Variants in DDR2 observed in about 807,000 individuals in gnomAD.
DDR2 encodes discoidin domain-containing receptor 2.
A neutral mutation model predicts 94.9 loss-of-function variants in DDR2; 27 were observed. The ratio of observed to expected loss-of-function variants is 0.28; its 90% CI spans 0.21 to 0.39. DDR2 has a LOEUF of 0.39. Among genes scored for constraint, DDR2 ranks in the 10% least tolerant of loss-of-function variants. The pLI is 1.00. For synonymous variants in DDR2, 382 were observed against 377.2 expected (o/e 1.01, Z -0.15); for missense variants, 783 against 1,076.0 (o/e 0.73, Z 3.81).
intron 3 of DDR2, among the ~76,000 whole-genome samples, chr1:162,747,285 C>T (rs756653758): frequency 6.2e-4 from 94 of 152,208 alleles, no homozygotes; most frequent in Non-Finnish European, 1.0e-3. Flanking sequence ...AAAGATTAGA[C>T]GAATGGCTAA....
At chr1:162,677,368 A>T (rs1659184246) in intron 2 of DDR2, among the ~76,000 whole-genome samples, 1 of 152,194 alleles carries the variant, frequency 6.6e-6, no homozygotes, top group Non-Finnish European at 1.5e-5. Context: ...ATATCTCCAG[A>T]TTGCTTTGCA....
chr1:162,669,033 A>C (rs182324826), intron 2 of DDR2, among the ~76,000 whole-genome samples: 28 of 152,316 alleles, frequency 1.8e-4, no homozygotes, highest in African/African-American at 3.4e-4. Flanking sequence ...TATTTAAGGA[A>C]AAGTACTTTA....
chr1:162,778,760 A>G (rs2102207561), intron 17 of DDR2, 31 bp downstream of exon 17: 1 of 1,613,416 alleles, frequency 6.2e-7, no homozygotes, highest in Non-Finnish European at 8.5e-7. Context: ...ATGGATGTGG[A>G]CCTGTGTACC....
chr1:162,777,691 C>G lies in DDR2; in HGVS notation c.2284-889C>G, dbSNP rs988609523. ...TATTAACCAGAAGAATTTGGGAAACCTCTCCTGTTTCATTTTTCTGATCTA... is the reference window on the plus strand; with the variant it reads ...TATTAACCAGAAGAATTTGGGAAACGTCTCCTGTTTCATTTTTCTGATCTA... On this transcript the variant is annotated intron_variant, in intron 16 of 17. Transcript: ENST00000367921. The G allele has an allele frequency of 3.9e-5, 6 of 152,260 alleles. No individual in the cohort carries two copies. The East Asian group carries it at 7.7e-4, about 20-fold the overall frequency. 9.4% of individuals were successfully genotyped at this position (152,260 alleles called of 1,614,324 possible).
In DDR2 at chr1:162,759,874, G is replaced by A. The variant is rs1261964297; in HGVS notation, c.750G>A (p.Val250=). Reference sequence around the variant, plus strand: ...TCACCCAGACCCATGAATACCACGTGTGGCCCGGCTATGACTATGTGGGCT... The same window carrying A: ...TCACCCAGACCCATGAATACCACGTATGGCCCGGCTATGACTATGTGGGCT... ...DDFTQTHEYH[V]WPGYDYVGWR... The change falls in exon 8 of 18, where the codon GTG becomes GTA. Residue 250 remains valine, a synonymous_variant. Coordinates refer to ENST00000367921, the MANE Select transcript of DDR2 (RefSeq NM_006182.4). 1 of 1,614,150 alleles carries A rather than the reference G, an allele frequency of 6.2e-7. No individual in the cohort carries two copies. Among genetic ancestry groups the A allele is most frequent in the South Asian group, 1.1e-5 (1 of 91,080 alleles).
chr1:162,720,312 C>T (rs76809804), intron 3 of DDR2, among the ~76,000 whole-genome samples: 3,659 of 152,054 alleles, frequency 0.024, 97 homozygotes, highest in East Asian at 0.14. Context: ...CTTCCAGTAA[C>T]TTTTCTCACC....
At chr1:162,631,182 TTGTGTGTGTGTG>T (rs58010976), upstream of DDR2, among the ~76,000 whole-genome samples, 5,575 of 140,230 alleles carry the variant, frequency 0.04, 140 homozygotes, top group South Asian at 0.11. Context: ...GCCACCCTCA[TTGTGTGTGTGTG>T]TGTGTGTGTG....
At chr1:162,740,945 C>T (rs900256374) in intron 3 of DDR2, among the ~76,000 whole-genome samples, 23 of 152,070 alleles carry the variant, frequency 1.5e-4, no homozygotes, top group African/African-American at 4.6e-4. Flanking sequence ...TTGGGACACA[C>T]GGCTTGCACC....
chr1:162,728,415 G>C (rs996178554), intron 3 of DDR2, among the ~76,000 whole-genome samples: 2 of 151,896 alleles, frequency 1.3e-5, no homozygotes, highest in East Asian at 3.9e-4. Context: ...CTGAAGAAAA[G>C]GCACAGAGGC....
At chr1:162,635,142 C>T (rs2101878970) in intron 1 of DDR2, among the ~76,000 whole-genome samples, 1 of 152,318 alleles carries the variant, frequency 6.6e-6, no homozygotes, top group South Asian at 2.1e-4. Context: ...GACCTTATCA[C>T]CTGCTTATTC....
At chr1:162,698,240 C>T (rs1352909474) in intron 2 of DDR2, among the ~76,000 whole-genome samples, 2 of 152,176 alleles carry the variant, frequency 1.3e-5, no homozygotes, top group Non-Finnish European at 2.9e-5. Flanking sequence ...TGGGATACTG[C>T]GTCCAAGCAG....
intron 2 of DDR2, among the ~76,000 whole-genome samples, chr1:162,689,295 G>T (rs183606543): frequency 6.6e-6 from 1 of 152,306 alleles, no homozygotes; most frequent in East Asian, 1.9e-4. Context: ...AAAGTGCCAG[G>T]TACTGGCTAG....
At position 162,775,650 on chromosome 1, in the gene DDR2, A is replaced by G. The variant is rs1227998011; in HGVS notation, c.1857-2A>G. The G allele has an allele frequency of 6.2e-7, 1 of 1,613,972 alleles. No homozygotes were observed. ...GTTTATCTATGTCTGTATCCTCCCA[A>G]GGAATGATTTTCTTAAGGAGATAAA... On this transcript the variant is annotated splice_acceptor_variant, in intron 14 of 17. Transcript: ENST00000367921. LOFTEE classifies it high-confidence loss of function.
intron 8 of DDR2, 145 bp from the exon 9 acceptor site, chr1:162,761,066 A>T: frequency 8.4e-7 from 1 of 1,195,360 alleles, no homozygotes; most frequent in Non-Finnish European, 1.2e-6. Flanking sequence ...TGTACCTAGG[A>T]GGAAGCAGGA....
At chr1:162,648,579 A>C (rs1020008102) in intron 1 of DDR2, among the ~76,000 whole-genome samples, 3 of 152,212 alleles carry the variant, frequency 2.0e-5, no homozygotes, top group Non-Finnish European at 2.9e-5. Flanking sequence ...AGGGAGACCC[A>C]TTAGAGGGCT....
intron 2 of DDR2, among the ~76,000 whole-genome samples, chr1:162,711,247 G>T (rs1249565580): frequency 3.3e-5 from 5 of 152,310 alleles, no homozygotes. Context: ...GGATTCTTTT[G>T]TCAAGGGATG....
intron 9 of DDR2, among the ~76,000 whole-genome samples, chr1:162,765,490 A>C (rs1663943233): frequency 6.6e-6 from 1 of 152,154 alleles, no homozygotes; most frequent in Non-Finnish European, 1.5e-5. Flanking sequence ...AAGCTGTAAA[A>C]TCACAGAAAA....
chr1:162,693,620 G>A (rs1309912825), intron 2 of DDR2, among the ~76,000 whole-genome samples: 1 of 152,192 alleles, frequency 6.6e-6, no homozygotes, highest in African/African-American at 2.4e-5. Flanking sequence ...ATACTCTGAA[G>A]TGGTATTAGG....
At chr1:162,672,314 ATAATTTTAGCAT>A (rs1658893092) in intron 2 of DDR2, among the ~76,000 whole-genome samples, 1 of 152,256 alleles carries the variant, frequency 6.6e-6, no homozygotes, top group African/African-American at 2.4e-5. Flanking sequence ...AAAGTCTGAC[ATAATTTTAGCAT>A]TCCGTCCAGG....
Sources: gnomAD v4.1 joint callset for allele counts (sites outside exome capture counted in the v4.1 genomes callset) on GRCh38, gnomAD v4.1.1 for gene constraint, MANE v1.5 for transcripts, NCBI Gene and HGNC (gene_info 2026-07-23, HGNC 2026-07-21) for gene names.